The following ANKRD36 variants were observed in gnomAD, a reference collection of about 807,000 sequenced individuals.
The protein encoded by ANKRD36 is ankyrin repeat domain 36, also known as ankyrin repeat domain-containing protein 36A.
ANKRD36 carries 179 observed loss-of-function variants against 278.1 expected under a neutral mutation model. That is an observed-to-expected ratio of 0.64 (90% CI 0.57 to 0.73). The LOEUF (loss-of-function observed/expected upper bound fraction) is 0.73, where lower values mean the gene tolerates loss of function less well. Among genes scored for constraint, ANKRD36 ranks in the 30% least tolerant of loss-of-function variants. The pLI is 0.00. For missense variants in ANKRD36, 1,159 were observed against 1,956.7 expected (o/e 0.59, Z 7.69); for synonymous variants, 320 against 641.1 (o/e 0.50, Z 7.57).
At chr2:97,123,046 T>A (rs2037340878) in intron 4 of ANKRD36, 53 bp downstream of exon 4, 28 of 1,416,390 alleles carry the variant, frequency 2.0e-5, no homozygotes, top group Middle Eastern at 1.8e-4. Context: ...GTCATTTTAG[T>A]GTGGTAGCAG....
chr2:97,138,006 C>G (rs181610904), intron 6 of ANKRD36, among the ~76,000 whole-genome samples: 2 of 152,134 alleles, frequency 1.3e-5, no homozygotes, highest in East Asian at 3.9e-4. Flanking sequence ...AGATATTAGG[C>G]CTTTTTCAGA....
At chr2:97,178,123 A>G (rs1383340246) in intron 22 of ANKRD36, among the ~76,000 whole-genome samples, 4 of 150,816 alleles carry the variant, frequency 2.7e-5, no homozygotes, top group East Asian at 1.9e-4. Context: ...CAAAACCACA[A>G]TGAGATACCA....
chr2:97,194,848 A>G lies in ANKRD36; in HGVS notation c.2482A>G (p.Thr828Ala), dbSNP rs1324772458. ...SSRKKPALKA[T>A]SDEKDSFSNI... is the part of the protein sequence containing the mutation. ...TTTTGTTTCAAATTCCACTCAGGCT[A>G]CAAGTGATGAGAAGGATTCTTTTTC... is the stretch of plus-strand genomic sequence containing the variant. Residue 828 changes from threonine to alanine, a missense_variant, in exon 40 of 76, where the codon ACA (threonine) becomes GCA (alanine). Coordinates refer to ENST00000420699, the MANE Select transcript of ANKRD36 (RefSeq NM_001354587.1). The G allele has an allele frequency of 1.3e-6, 2 of 1,590,030 alleles. No individual in the cohort carries two copies. Among genetic ancestry groups the G allele is most frequent in the Non-Finnish European group, 8.5e-7 (1 of 1,173,084 alleles).
chr2:97,118,286 A>G (rs2036042252), intron 2 of ANKRD36, 58 bp from the exon 3 acceptor site: 1 of 1,610,650 alleles, frequency 6.2e-7, no homozygotes, highest in African/African-American at 1.3e-5. Context: ...AGGAAATCCT[A>G]CGGAGTGTTT....
At chr2:97,118,228 A>G (rs781084748) in intron 2 of ANKRD36, 50 bp downstream of exon 2, 1 of 1,577,082 alleles carries the variant, frequency 6.3e-7, no homozygotes, top group East Asian at 2.3e-5. Context: ...GTTGAAGTAC[A>G]TAGGATAAAA....
chr2:97,209,807 G>A lies in ANKRD36; in HGVS notation c.3302G>A (p.Ser1101Asn). The part of the protein sequence containing the change: ...SRKKPALKAT[S>N]DEKDSVLYIA... ...ATTTCAAATTCCATTCAGGCTACAA[G>A]TGACGAGAAAGATTCTGTTTTGTAT... is the stretch of plus-strand genomic sequence containing the variant. The change falls in exon 56 of 76, where the codon AGT becomes AAT. Residue 1101 changes from serine to asparagine, a missense_variant. Ser to Asn is a conservative substitution (Grantham distance 46). Coordinates refer to ENST00000420699, the MANE Select transcript of ANKRD36 (RefSeq NM_001354587.1). 6.2e-7 allele frequency: 1 copy of A among 1,600,650 alleles called. No individual in the cohort carries two copies. Among genetic ancestry groups the A allele is most frequent in the Non-Finnish European group, 8.5e-7 (1 of 1,175,868 alleles).
At position 97,122,914 on chromosome 2, in the gene ANKRD36, G is replaced by T. The variant is rs1256119629; in HGVS notation, c.514G>T (p.Val172Leu). ...KCEYQPLLFA[V>L]SRRKVKMVEF... Reference sequence around the variant, plus strand: ...TGAATATCAGCCACTGTTATTTGCTGTGAGTCGAAGAAAAGTGAAAATGGT... The same window carrying T: ...TGAATATCAGCCACTGTTATTTGCTTTGAGTCGAAGAAAAGTGAAAATGGT... Residue 172 changes from valine (V) to leucine (L), a missense_variant, in exon 4 of 76, where the codon GTG becomes TTG. Physicochemically the swap from Val to Leu is conservative, Grantham distance 32. Transcript: ENST00000420699. The T allele has an allele frequency of 1.0e-5, 16 of 1,543,652 alleles. No homozygotes were observed. The highest frequency in any genetic ancestry group is 1.4e-5 in the Non-Finnish European group (16 of 1,142,594).
intron 12 of ANKRD36, among the ~76,000 whole-genome samples, chr2:97,151,566 C>T (rs2045983633): frequency 6.6e-6 from 1 of 152,218 alleles, no homozygotes; most frequent in Non-Finnish European, 1.5e-5. Flanking sequence ...CAGCAATACT[C>T]TAAATTACAT....
At chr2:97,216,098 A>G (rs1025020439) in intron 62 of ANKRD36, among the ~76,000 whole-genome samples, 3 of 151,914 alleles carry the variant, frequency 2.0e-5, no homozygotes, top group African/African-American at 7.2e-5. Flanking sequence ...TTCTCCAAGA[A>G]CTACTGGAAG....
chr2:97,229,138 A>G (rs1184119517), intron 67 of ANKRD36, among the ~76,000 whole-genome samples: 1 of 151,616 alleles, frequency 6.6e-6, no homozygotes, highest in African/African-American at 2.4e-5. Context: ...AGAGTTCTGT[A>G]GATGTCTATT....
chr2:97,194,607 C>G (rs2059267025), intron 38 of ANKRD36, 119 bp from the exon 39 acceptor site: 6 of 1,552,888 alleles, frequency 3.9e-6, no homozygotes, highest in Non-Finnish European at 5.2e-6. Flanking sequence ...AAGTAGAAGC[C>G]ATCAAAGCGT....
At chr2:97,213,208 G>A (rs1431855019) in intron 58 of ANKRD36, 1 of 196,090 alleles carries the variant, frequency 5.1e-6, no homozygotes, top group Non-Finnish European at 9.7e-6. Context: ...ATCATGCCAT[G>A]TTTGAAATTG....
At chr2:97,224,570 C>T (rs1483302009) in intron 66 of ANKRD36, among the ~76,000 whole-genome samples, 3 of 151,956 alleles carry the variant, frequency 2.0e-5, no homozygotes, top group Non-Finnish European at 2.9e-5. Flanking sequence ...CTGCACCAGC[C>T]TCCCGACTAG....
intron 22 of ANKRD36, among the ~76,000 whole-genome samples, chr2:97,175,486 T>C (rs1440430867): frequency 2.0e-5 from 3 of 151,960 alleles, no homozygotes; most frequent in Non-Finnish European, 4.4e-5. Flanking sequence ...TTTATCATTT[T>C]TTATTGCGTC....
At chr2:97,205,384 C>G (rs1412010853) in intron 50 of ANKRD36, among the ~76,000 whole-genome samples, 1 of 151,508 alleles carries the variant, frequency 6.6e-6, no homozygotes, top group African/African-American at 2.4e-5. Context: ...ATATTATGTA[C>G]TAGGTATCAG....
intron 6 of ANKRD36, among the ~76,000 whole-genome samples, chr2:97,131,462 G>T (rs2040132644): frequency 6.6e-6 from 1 of 151,918 alleles, no homozygotes; most frequent in African/African-American, 2.4e-5. Context: ...GCCTCCCAAA[G>T]TGCTGGAATT....
rs111705286 is a variant in ANKRD36, at chr2:97,208,042, G to A, written c.3265+36G>A. 2.0e-6 allele frequency: 3 copies of A among 1,480,140 alleles called. No individual in the cohort carries two copies. The African/African-American group carries it at 4.7e-5, about 23-fold the overall frequency. The allele number at this position is 1,480,140 out of a possible 1,614,324, so 91.7% of individuals were successfully genotyped here. On this transcript the variant is annotated intron_variant, in intron 54 of 75. Transcript: ENST00000420699. The stretch of plus-strand genomic sequence containing the variant: ...AAAGAGATTTAATGTCATGTTCAGT[G>A]CAGATAGATAAGAAGTTCTCTTCCC...
chr2:97,136,382 T>C (rs1000610781), intron 6 of ANKRD36, among the ~76,000 whole-genome samples: 35 of 151,788 alleles, frequency 2.3e-4, no homozygotes, highest in Non-Finnish European at 4.6e-4. Context: ...TATAAGAAAC[T>C]GGTAAATGTG....
intron 17 of ANKRD36, among the ~76,000 whole-genome samples, chr2:97,161,385 TA>T (rs1314534496): frequency 2.0e-5 from 3 of 151,964 alleles, no homozygotes; most frequent in Non-Finnish European, 1.5e-5. Flanking sequence ...TTTCTACCTT[TA>T]AAATACCTTT....
Sources: gnomAD v4.1 joint callset for allele counts (sites outside exome capture counted in the v4.1 genomes callset) on GRCh38, gnomAD v4.1.1 for gene constraint, MANE v1.5 for transcripts, NCBI Gene and HGNC (gene_info 2026-07-23, HGNC 2026-07-21) for gene names.